Variants in QTMAN observed in about 807,000 individuals in gnomAD.
QTMAN encodes queuosine-tRNA mannosyltransferase.
chr2:144,299,484 A>G, the QTMAN span, among the ~76,000 whole-genome samples: 5 of 152,300 alleles, frequency 3.3e-5, no homozygotes, highest in East Asian at 5.8e-4. Context: ...CTCTATATAT[A>G]TATTTTGGAA....
chr2:143,991,324 A>T, the QTMAN span, among the ~76,000 whole-genome samples: 1 of 152,222 alleles, frequency 6.6e-6, no homozygotes, highest in Non-Finnish European at 1.5e-5. Context: ...AGAACACCAA[A>T]GACAAAGACA....
At chr2:144,079,046 A>G in the QTMAN span, among the ~76,000 whole-genome samples, 1 of 152,142 alleles carries the variant, frequency 6.6e-6, no homozygotes, top group Non-Finnish European at 1.5e-5. Context: ...CTCTACCATA[A>G]CAATAAGAGT....
At chr2:144,212,096 T>C in the QTMAN span, among the ~76,000 whole-genome samples, 2 of 152,198 alleles carry the variant, frequency 1.3e-5, no homozygotes, top group African/African-American at 4.8e-5. Context: ...TGCCTGAGTT[T>C]ATGAACCTCT....
At chr2:144,001,966 C>T in the QTMAN span, among the ~76,000 whole-genome samples, 1 of 151,840 alleles carries the variant, frequency 6.6e-6, no homozygotes, top group African/African-American at 2.4e-5. Flanking sequence ...GTCTGAATTC[C>T]TGGGTGTATT....
the QTMAN span, among the ~76,000 whole-genome samples, chr2:144,005,215 G>C: frequency 1.3e-5 from 2 of 151,918 alleles, no homozygotes; most frequent in African/African-American, 2.4e-5. Context: ...TTATTAAAAA[G>C]ATATATCTAT....
At chr2:144,098,933 T>C in the QTMAN span, among the ~76,000 whole-genome samples, 29,077 of 151,928 alleles carry the variant, frequency 0.19, 3,242 homozygotes, top group Non-Finnish European at 0.25. Context: ...CCCTTTCCAG[T>C]GTTTTACACA....
the QTMAN span, among the ~76,000 whole-genome samples, chr2:144,105,980 C>G: frequency 6.6e-6 from 1 of 152,068 alleles, no homozygotes; most frequent in Non-Finnish European, 1.5e-5. Flanking sequence ...AATTTTCAAC[C>G]CAGAATTTCA....
chr2:144,249,556 T>C, the QTMAN span, among the ~76,000 whole-genome samples: 25 of 152,354 alleles, frequency 1.6e-4, no homozygotes, highest in East Asian at 2.9e-3. Flanking sequence ...GTGACAATTA[T>C]ATGGAAAAAG....
At chr2:144,043,207 G>A in the QTMAN span, among the ~76,000 whole-genome samples, 1 of 149,058 alleles carries the variant, frequency 6.7e-6, no homozygotes. Flanking sequence ...TACAGCAGAC[G>A]AATATGTATA....
chr2:144,079,641 C>T, the QTMAN span, among the ~76,000 whole-genome samples: 1 of 151,938 alleles, frequency 6.6e-6, no homozygotes, highest in Non-Finnish European at 1.5e-5. Context: ...TTAAAGACAG[C>T]CTTATAATGA....
chr2:143,989,260 T>G, the QTMAN span, among the ~76,000 whole-genome samples: 1 of 151,868 alleles, frequency 6.6e-6, no homozygotes, highest in Non-Finnish European at 1.5e-5. Context: ...TTAATATAAT[T>G]TTTTAAATGT....
the QTMAN span, among the ~76,000 whole-genome samples, chr2:144,150,486 T>C: frequency 6.6e-6 from 1 of 152,086 alleles, no homozygotes; most frequent in African/African-American, 2.4e-5. Context: ...AACTAACTTT[T>C]AAATTTAATT....
At chr2:144,003,420 T>TAA in the QTMAN span, among the ~76,000 whole-genome samples, 7 of 142,798 alleles carry the variant, frequency 4.9e-5, no homozygotes, top group African/African-American at 1.0e-4. Flanking sequence ...AGAAAATAGT[T>TAA]AAAAAAAAAA....
the QTMAN span, among the ~76,000 whole-genome samples, chr2:144,246,598 A>AAAAAAAG: frequency 7.4e-5 from 11 of 149,056 alleles, no homozygotes; most frequent in African/African-American, 2.5e-4. Flanking sequence ...AAAAAAAAAA[A>AAAAAAAG]AAAAGAAAAG....
chr2:143,975,979 G>A, the QTMAN span, among the ~76,000 whole-genome samples: 1 of 152,178 alleles, frequency 6.6e-6, no homozygotes, highest in Non-Finnish European at 1.5e-5. Flanking sequence ...AAATGAAGGT[G>A]TAGGAAAAGC....
the QTMAN span, among the ~76,000 whole-genome samples, chr2:144,110,920 G>A: frequency 2.6e-5 from 4 of 152,136 alleles, no homozygotes; most frequent in East Asian, 5.8e-4. Context: ...CAGTGCACTC[G>A]CATTATTGTG....
the QTMAN span, among the ~76,000 whole-genome samples, chr2:144,193,178 G>C: frequency 2.6e-5 from 4 of 151,718 alleles, no homozygotes; most frequent in Non-Finnish European, 5.9e-5. Flanking sequence ...TACTAGATAA[G>C]AGAGCAATTC....
the QTMAN span, among the ~76,000 whole-genome samples, chr2:143,964,438 C>T: frequency 6.6e-6 from 1 of 152,272 alleles, no homozygotes; most frequent in African/African-American, 2.4e-5. Context: ...CAAGGTCTCT[C>T]TCTGCCACTG....
At chr2:144,022,249 A>G in the QTMAN span, among the ~76,000 whole-genome samples, 1 of 151,782 alleles carries the variant, frequency 6.6e-6, no homozygotes, top group Non-Finnish European at 1.5e-5. Flanking sequence ...TTGGATTCTC[A>G]TCTTTTAAGA....
Sources: allele counts gnomAD v4.1 joint callset (sites outside exome capture counted in the v4.1 genomes callset), GRCh38; gene constraint gnomAD v4.1.1; transcripts MANE v1.5; gene names NCBI Gene and HGNC (gene_info 2026-07-23, HGNC 2026-07-21).